The following LIG3 variants were observed in gnomAD, a reference collection of about 807,000 sequenced individuals.
The protein encoded by LIG3 is ligase II, DNA, ATP-dependent.
LIG3 carries 58 observed loss-of-function variants against 110.9 expected under a neutral mutation model. The observed-to-expected ratio is 0.52, with a 90% CI of 0.42 to 0.65. The LOEUF (loss-of-function observed/expected upper bound fraction) is 0.65, where lower values mean the gene tolerates loss of function less well. Among genes scored for constraint, LIG3 ranks in the 30% least tolerant of loss-of-function variants. The pLI is 0.00. For synonymous variants in LIG3, 422 were observed against 472.8 expected (o/e 0.89, Z 1.39); for missense variants, 1,094 against 1,273.8 (o/e 0.86, Z 2.15).
At chr17:34,998,776 G>A (rs567743067) in intron 14 of LIG3, 49 bp downstream of exon 14, 28 of 1,581,512 alleles carry the variant, frequency 1.8e-5, no homozygotes, top group African/African-American at 5.4e-5. Flanking sequence ...AGAAGGTACC[G>A]CTTGAGGTAC....
intron 2 of LIG3, among the ~76,000 whole-genome samples, chr17:34,984,819 C>T (rs1273522337): frequency 6.6e-6 from 1 of 151,688 alleles, no homozygotes; most frequent in Non-Finnish European, 1.5e-5. Context: ...ACTCTGTGAC[C>T]CAGGCTGGAG....
chr17:34,991,444 T>C lies in LIG3; in HGVS notation c.1042-227T>C. The C allele has an allele frequency of 1.7e-5, 10 of 589,288 alleles. No homozygotes were observed. In the South Asian group the frequency reaches 2.2e-4, roughly 13 times the overall value. The allele number at this position is 589,288 out of a possible 1,614,324, so 36.5% of individuals were successfully genotyped here. On this transcript the variant is annotated intron_variant, in intron 5 of 19. Transcript: ENST00000378526. The stretch of plus-strand genomic sequence containing the variant: ...CTTGTTTTCTCCTATAACTTGGCTT[T>C]ACCAAGCTTTGGTTTGTCCGTGACT...
chr17:34,999,665 C>T, intron 15 of LIG3, 117 bp from the exon 16 acceptor site: 3 of 1,117,214 alleles, frequency 2.7e-6, no homozygotes, highest in Non-Finnish European at 4.0e-6. Flanking sequence ...CTGGGAGGAT[C>T]ACATGGCTCA....
chr17:34,999,141 T>C (rs975249807), intron 14 of LIG3, 166 bp from the exon 15 acceptor site: 1 of 722,886 alleles, frequency 1.4e-6, no homozygotes, highest in Non-Finnish European at 2.2e-6. Context: ...AAGAGGAAAT[T>C]GGGGCTTATA....
intron 10 of LIG3, 176 bp from the exon 11 acceptor site, chr17:34,996,398 G>A (rs1257236877): frequency 1.3e-6 from 1 of 793,780 alleles, no homozygotes; most frequent in South Asian, 1.8e-5. Context: ...TTATAACTGG[G>A]TTGGTTTCCA....
At position 35,009,084 on chromosome 17, in the gene LIG3, C is replaced by T. The variant is rs1449361730; in HGVS notation, c.*4578C>T. 6.6e-6 allele frequency: 1 copy of T among 152,626 alleles called. No individual in the cohort carries two copies. Among genetic ancestry groups the T allele is most frequent in the Non-Finnish European group, 1.5e-5 (1 of 68,036 alleles). The allele number at this position is 152,626 out of a possible 1,614,324, so 9.5% of individuals were successfully genotyped here. A position where few individuals can be genotyped will look rare whatever the true frequency, so the allele number is the denominator to read the frequency against. Reference sequence around the variant, plus strand: ...AGGCTCTTTTGTCAGTCCTATCAACCTCTAACATCCTCGCACCAGACAGGA... The same window carrying T: ...AGGCTCTTTTGTCAGTCCTATCAACTTCTAACATCCTCGCACCAGACAGGA... On this transcript the variant is annotated 3_prime_UTR_variant, in exon 20 of 20. Coordinates refer to ENST00000378526, the MANE Select transcript of LIG3 (RefSeq NM_013975.4).
rs1271338025 is a variant in LIG3, at chr17:35,008,597, ATTTTTTGGT to A, written c.*4100_*4108del. The A allele has an allele frequency of 6.6e-6, 1 of 151,500 alleles. No individual in the cohort carries two copies. Among genetic ancestry groups the A allele is most frequent in the Non-Finnish European group, 1.5e-5 (1 of 67,892 alleles). The allele number at this position is 151,500 out of a possible 1,614,324, so 9.4% of individuals were successfully genotyped here. A position where few individuals can be genotyped will look rare whatever the true frequency, so the allele number is the denominator to read the frequency against. ...CCACATGCACCACCATGCACGGCTA[ATTTTTTGGT>A]TTTTTTGGGTTTTTTGTTTGTGTTT... On this transcript the variant is annotated 3_prime_UTR_variant, in exon 20 of 20. Coordinates refer to ENST00000378526, the MANE Select transcript of LIG3 (RefSeq NM_013975.4).
In LIG3 at chr17:35,007,405, A is replaced by G. The variant is rs2090902956; in HGVS notation, c.*2899A>G. ...GTATTTCAATGCAGCCCTCAACATC[A>G]TCATCATAAATCTCTCCAGCAGAAT... On this transcript the variant is annotated 3_prime_UTR_variant, in exon 20 of 20. Transcript: ENST00000378526. The G allele has an allele frequency of 6.6e-6, 1 of 152,092 alleles. No homozygotes were observed. The highest frequency in any genetic ancestry group is 2.4e-5 in the African/African-American group (1 of 41,404). The allele number at this position is 152,092 out of a possible 1,614,324, so 9.4% of individuals were successfully genotyped here.
intron 4 of LIG3, chr17:34,989,914 C>A: frequency 2.0e-6 from 1 of 497,142 alleles, no homozygotes; most frequent in South Asian, 2.4e-5. Flanking sequence ...TCCCCTTATT[C>A]TGCTCCTAGG....
At chr17:34,996,476 C>T (rs974183980) in intron 10 of LIG3, 98 bp from the exon 11 acceptor site, 19 of 994,268 alleles carry the variant, frequency 1.9e-5, no homozygotes, top group East Asian at 4.8e-5. Flanking sequence ...CTTTTTCATC[C>T]GGTGCCTCAG....
chr17:34,991,371 C>T (rs1357346813), intron 5 of LIG3: 3 of 564,374 alleles, frequency 5.3e-6, no homozygotes, highest in Non-Finnish European at 9.3e-6. Context: ...TTGAGACTTG[C>T]CCCCTCTGTC....
Position 35,003,126 on chromosome 17 carries a change from A to G in LIG3, c.2796+337A>G, listed in dbSNP as rs9898719. On this transcript the variant is annotated intron_variant, in intron 19 of 19. Coordinates refer to ENST00000378526, the MANE Select transcript of LIG3 (RefSeq NM_013975.4). ...CCAAGTCAAAATTTACATTAAAGGG[A>G]AAAGACCAGTCTGGGTGTGGGAATG... is the stretch of plus-strand genomic sequence containing the variant. The G allele has an allele frequency of 4.8e-3, 7,709 of 1,597,268 alleles. 329 individuals carry two copies. The African/African-American group carries it at 0.089, about 19-fold the overall frequency.
chr17:34,999,852 C>G lies in LIG3; in HGVS notation c.2327C>G (p.Pro776Arg). The change falls in exon 16 of 20, where the codon CCA (proline) becomes CGA (arginine). Residue 776 changes from proline (P) to arginine (R), a missense_variant. Physicochemically the swap from Pro to Arg is moderately radical, Grantham distance 103 (BLOSUM62 -2). Coordinates refer to ENST00000378526, the MANE Select transcript of LIG3 (RefSeq NM_013975.4). ...IYYPDFIVPD[P>R]KKAAVWEITG... Reference sequence around the variant, plus strand: ...TATCCTGACTTCATCGTCCCAGACCCAAAGGTATCAACCCAGTGGCTTGGG... The same window carrying G: ...TATCCTGACTTCATCGTCCCAGACCGAAAGGTATCAACCCAGTGGCTTGGG... 1 of 1,613,284 alleles carries G rather than the reference C, an allele frequency of 6.2e-7. No individual in the cohort carries two copies. Among genetic ancestry groups the G allele is most frequent in the Non-Finnish European group, 8.5e-7 (1 of 1,179,294 alleles).
rs1211430622 is a variant in LIG3 at position 35,005,065 on chromosome 17, T to G, written c.*559T>G. On this transcript the variant is annotated 3_prime_UTR_variant, in exon 20 of 20. Coordinates refer to ENST00000378526, the MANE Select transcript of LIG3 (RefSeq NM_013975.4). The stretch of plus-strand genomic sequence containing the variant: ...AAACAAAATGAATTTTTTTACTTTC[T>G]TCTCTGTGTTCTCCTATTACATGGT... 2 of 304,104 alleles carry G rather than the reference T, an allele frequency of 6.6e-6. No individual in the cohort carries two copies. The highest frequency in any genetic ancestry group is 6.2e-5 in the South Asian group (2 of 32,110). The allele number at this position is 304,104 out of a possible 1,614,324, so 18.8% of individuals were successfully genotyped here.
At position 34,991,725 on chromosome 17, in the gene LIG3, C is replaced by G. The variant is rs368652393; in HGVS notation, c.1096C>G (p.Pro366Ala). 13 of 1,613,908 alleles carry G rather than the reference C, an allele frequency of 8.1e-6. No homozygotes were observed. In the African/African-American group the frequency reaches 1.6e-4, roughly 20 times the overall value. ...VFFEQSKSFP[P>A]AAKSLLTIQE... is the part of the protein sequence containing the mutation. The stretch of plus-strand genomic sequence containing the variant: ...CTTTGAGCAGAGCAAGTCTTTCCCC[C>G]CAGCTGCCAAGAGCCTCCTTACCAT... Residue 366 changes from proline to alanine, a missense_variant, in exon 6 of 20, where the codon CCA becomes GCA. Transcript: ENST00000378526.
At chr17:34,990,718 C>G (rs2090710317) in intron 4 of LIG3, among the ~76,000 whole-genome samples, 1 of 152,204 alleles carries the variant, frequency 6.6e-6, no homozygotes, top group South Asian at 2.1e-4. Context: ...CCTGTCTTCT[C>G]CTGCAAGTAG....
intron 1 of LIG3, 34 bp from the exon 2 acceptor site, chr17:34,982,963 CTTTTT>C (rs3084117): frequency 2.9e-4 from 357 of 1,242,306 alleles, no homozygotes; most frequent in South Asian, 6.9e-4. Flanking sequence ...TTGTTTATAT[CTTTTT>C]TTTTTTTTTT....
Position 34,996,058 on chromosome 17 carries a change from T to C in LIG3, c.1612-6T>C. The C allele has an allele frequency of 6.2e-7, 1 of 1,611,994 alleles. No homozygotes were observed. The highest frequency in any genetic ancestry group is 8.5e-7 in the Non-Finnish European group (1 of 1,178,690). On this transcript the variant is annotated splice_region_variant and splice_polypyrimidine_tract_variant and intron_variant, in intron 9 of 19. Coordinates refer to ENST00000378526, the MANE Select transcript of LIG3 (RefSeq NM_013975.4). ...TCCCTCACCAAAGCTCCCCTTCTGC[T>C]TTCAGGTGGCCCACTTTAAGGACTA...
chr17:34,992,025 G>T lies in LIG3; in HGVS notation c.1276G>T (p.Ala426Ser), dbSNP rs765351839. The T allele has an allele frequency of 9.3e-6, 15 of 1,614,108 alleles. No homozygotes were observed. The highest frequency in any genetic ancestry group is 1.3e-5 in the Non-Finnish European group (15 of 1,179,934). The change falls in exon 7 of 20, where the codon GCA becomes TCA. Residue 426 changes from alanine (A) to serine (S), a missense_variant. Coordinates refer to ENST00000378526, the MANE Select transcript of LIG3 (RefSeq NM_013975.4). ...ACATGATCTGAAGATGAACTCAGGT[G>T]CAAAACATGTGTAAGTAGCAGCTCC... ...IKHDLKMNSG[A>S]KHVLDALDPN...
Sources: gnomAD v4.1 joint callset for allele counts (sites outside exome capture counted in the v4.1 genomes callset) on GRCh38, gnomAD v4.1.1 for gene constraint, MANE v1.5 for transcripts, NCBI Gene and HGNC (gene_info 2026-07-23, HGNC 2026-07-21) for gene names.